PLA2G4D: variants seen among roughly 807,000 people sequenced by gnomAD.
PLA2G4D encodes the protein phospholipase A2 group IVD.
A neutral mutation model predicts 94.4 loss-of-function variants in PLA2G4D; 80 were observed. The observed-to-expected ratio is 0.85, with a 90% CI of 0.71 to 1.02. The LOEUF is 1.02. Among genes scored for constraint, PLA2G4D ranks in the 50% least tolerant of loss-of-function variants. The probability of loss-of-function intolerance (pLI) is 0.00; values close to 1 mark genes in which losing one functional copy is unlikely to be tolerated. For synonymous variants in PLA2G4D, 438 were observed against 440.9 expected (o/e 0.99, Z 0.08); for missense variants, 1,050 against 1,034.7 (o/e 1.01, Z -0.20).
rs1890301479 is a variant in PLA2G4D at position 42,094,444 on chromosome 15, G to A, written c.16C>T (p.Pro6Ser). The change falls in exon 1 of 20, where the codon CCT becomes TCT. Residue 6 changes from proline to serine, a missense_variant. By Grantham distance (74) the Pro-to-Ser change is moderately conservative. Transcript: ENST00000290472. Reference protein sequence around the residue: MESLSPGGPPGHPYQG... With the variant: MESLSSGGPPGHPYQG... ...TAAGGGTGGCCAGGTGGTCCCCCAGGTGACAGGCTCTCCATGCTAGCCCTT... is the reference window on the plus strand; with the variant it reads ...TAAGGGTGGCCAGGTGGTCCCCCAGATGACAGGCTCTCCATGCTAGCCCTT... 1.2e-6 allele frequency: 2 copies of A among 1,614,048 alleles called. No homozygotes were observed. Among genetic ancestry groups the A allele is most frequent in the Admixed American group, 1.7e-5 (1 of 60,006 alleles).
chr15:42,075,925 AGGGGAG>A (rs1889913700), intron 13 of PLA2G4D, among the ~76,000 whole-genome samples: 1 of 31,174 alleles, frequency 3.2e-5, no homozygotes. Flanking sequence ...AGGGGAGGGG[AGGGGAG>A]GGGAGAGGAA....
intron 13 of PLA2G4D, among the ~76,000 whole-genome samples, chr15:42,073,066 A>C (rs1293796533): frequency 6.6e-6 from 1 of 152,100 alleles, no homozygotes; most frequent in South Asian, 2.1e-4. Flanking sequence ...GCAGTGGTGC[A>C]ATCTTGGATC....
chr15:42,070,548 C>A, intron 18 of PLA2G4D, 169 bp downstream of exon 18: 1 of 855,754 alleles, frequency 1.2e-6, no homozygotes, highest in Middle Eastern at 3.5e-4. Context: ...CTGCACCACC[C>A]CAGCCTTCCC....
chr15:42,072,048 G>C, intron 14 of PLA2G4D, 137 bp from the exon 15 acceptor site: 2 of 1,236,740 alleles, frequency 1.6e-6, no homozygotes, highest in Non-Finnish European at 2.3e-6. Flanking sequence ...CAGATGTGAG[G>C]AATGGGCAGT....
rs202049567 is a variant in PLA2G4D at position 42,094,482 on chromosome 15, C to A, written c.-23G>T. The A allele has an allele frequency of 1.1e-5, 17 of 1,614,060 alleles. No individual in the cohort carries two copies. In the East Asian group the frequency reaches 3.8e-4, roughly 36 times the overall value. On this transcript the variant is annotated 5_prime_UTR_variant, in exon 1 of 20. Coordinates refer to ENST00000290472, the MANE Select transcript of PLA2G4D (RefSeq NM_178034.4). ...CATGCTAGCCCTTCCAGCTTCACTC[C>A]AGGCCCAGCCCTTGCCAAGATGCTG...
At chr15:42,077,314 A>G (rs1889950004) in intron 13 of PLA2G4D, among the ~76,000 whole-genome samples, 1 of 152,264 alleles carries the variant, frequency 6.6e-6, no homozygotes, top group African/African-American at 2.4e-5. Flanking sequence ...CCTGATGAAC[A>G]TAAATGCAAA....
At position 42,070,082 on chromosome 15, in the gene PLA2G4D, G is replaced by A. The variant is rs781591743; in HGVS notation, c.2057C>T (p.Thr686Met). 25 of 1,512,946 alleles carry A rather than the reference G, an allele frequency of 1.7e-5. No individual in the cohort carries two copies. The highest frequency in any genetic ancestry group is 1.1e-4 in the South Asian group (9 of 78,314). 93.7% of individuals were successfully genotyped at this position (1,512,946 alleles called of 1,614,324 possible). ...LSAPFEALQQ[T>M]ELYCRARGLP... is the part of the protein sequence containing the mutation. ...CCCCCGGGCCCGGCAGTACAGCTCC[G>A]TCTGCTGCAGTGCCTGGTGGGGAGA... Residue 686 changes from threonine to methionine, a missense_variant, in exon 19 of 20, where the codon ACG (threonine) becomes ATG (methionine). Coordinates refer to ENST00000290472, the MANE Select transcript of PLA2G4D (RefSeq NM_178034.4).
chr15:42,093,707 G>A (rs1890286613), intron 1 of PLA2G4D, among the ~76,000 whole-genome samples: 1 of 152,144 alleles, frequency 6.6e-6, no homozygotes, highest in African/African-American at 2.4e-5. Flanking sequence ...ATCCAGCTTG[G>A]GCCTGGGTCT....
At position 42,087,496 on chromosome 15, in the gene PLA2G4D, A is replaced by G. The variant is rs1444805806; in HGVS notation, c.119-60T>C. 5 of 1,610,288 alleles carry G rather than the reference A, an allele frequency of 3.1e-6. No homozygotes were observed. In the East Asian group the frequency reaches 1.1e-4, roughly 36 times the overall value. ...CTCCCCACACCCCTCTCCATGAGCC[A>G]TGCCAGTTTCCTACCAAGACCCTGG... On this transcript the variant is annotated intron_variant, in intron 2 of 19. Coordinates refer to ENST00000290472, the MANE Select transcript of PLA2G4D (RefSeq NM_178034.4).
intron 13 of PLA2G4D, among the ~76,000 whole-genome samples, chr15:42,079,041 A>G (rs1043873035): frequency 1.3e-5 from 2 of 152,234 alleles, no homozygotes; most frequent in African/African-American, 4.8e-5. Context: ...AGTATTCAGA[A>G]CAGCTCTATG....
In PLA2G4D at chr15:42,084,991, C is replaced by G; in HGVS notation, c.471+105G>C. 5.2e-6 allele frequency: 7 copies of G among 1,347,920 alleles called. No individual in the cohort carries two copies. Among genetic ancestry groups the G allele is most frequent in the Non-Finnish European group, 7.4e-6 (7 of 950,854 alleles). 83.5% of individuals were successfully genotyped at this position (1,347,920 alleles called of 1,614,324 possible). A position where few individuals can be genotyped will look rare whatever the true frequency, so the allele number is the denominator to read the frequency against. The stretch of plus-strand genomic sequence containing the variant: ...GGCTAGGGGTGGTTTTACCACGAAG[C>G]CCTGCCCCTTCCTTGTCCCTGCTGG... On this transcript the variant is annotated intron_variant, in intron 6 of 19. Coordinates refer to ENST00000290472, the MANE Select transcript of PLA2G4D (RefSeq NM_178034.4). The surrounding 1 kb of genome is among the most constrained non-coding windows in gnomAD (Gnocchi z 4.8).
At chr15:42,083,095 C>T in intron 8 of PLA2G4D, 103 bp downstream of exon 8, 1 of 1,475,982 alleles carries the variant, frequency 6.8e-7, no homozygotes, top group Non-Finnish European at 9.1e-7. Context: ...GACAAGGCCA[C>T]AGGGGCCTTG....
intron 19 of PLA2G4D, among the ~76,000 whole-genome samples, chr15:42,069,522 C>A (rs1244516688): frequency 2.0e-5 from 3 of 151,984 alleles, no homozygotes; most frequent in Non-Finnish European, 2.9e-5. Flanking sequence ...TTCGGGAGCC[C>A]CTGAGGAGAG....
Position 42,083,776 on chromosome 15 carries a change from G to A in PLA2G4D, c.475C>T (p.Arg159Ter), listed in dbSNP as rs777194530. The change falls in exon 7 of 20, where the codon CGA becomes TGA. Residue 159 changes from arginine (R) to a stop codon, truncating the protein, a stop_gained. Transcript: ENST00000290472. LOFTEE classifies it high-confidence loss of function. ...NLITNKVIVA[R>*]ELSCLDVHLD... ...TGCACATCCAGGCATGACAGCTCTC[G>A]GGCCTGGGGAAGACCACATCATGGG... 17 of 1,613,540 alleles carry A rather than the reference G, an allele frequency of 1.1e-5. No individual in the cohort carries two copies. The highest frequency in any genetic ancestry group is 3.3e-5 in the South Asian group (3 of 91,088).
rs139975594 is a variant in PLA2G4D, at chr15:42,071,270, A to T, written c.1729T>A (p.Ser577Thr). ...TSGTSSRLEASWLQPGTALAQ... is the reference protein window; with the variant it reads ...TSGTSSRLEATWLQPGTALAQ... ...AGCGCCGTGCCTGGCTGCAGCCACG[A>T]GGCCTCCAGCCGCGAGGAGGTCCCC... The change falls in exon 17 of 20, where the codon TCG (serine) becomes ACG (threonine). Residue 577 changes from serine to threonine, a missense_variant. Coordinates refer to ENST00000290472, the MANE Select transcript of PLA2G4D (RefSeq NM_178034.4). 8 of 1,603,408 alleles carry T rather than the reference A, an allele frequency of 5.0e-6. No individual in the cohort carries two copies. Among genetic ancestry groups the T allele is most frequent in the Non-Finnish European group, 6.8e-6 (8 of 1,177,048 alleles).
chr15:42,073,130 G>A (rs942250527), intron 13 of PLA2G4D, among the ~76,000 whole-genome samples: 4 of 152,164 alleles, frequency 2.6e-5, no homozygotes, highest in Non-Finnish European at 5.9e-5. Flanking sequence ...AGCCTCCCGA[G>A]TAGAGTAGCT....
intron 19 of PLA2G4D, among the ~76,000 whole-genome samples, chr15:42,069,697 C>A (rs1889761931): frequency 2.0e-5 from 3 of 152,172 alleles, no homozygotes; most frequent in Non-Finnish European, 4.4e-5. Context: ...GGGACCCCTG[C>A]ATAGCGACCC....
chr15:42,076,152 T>C (rs1276128687), intron 13 of PLA2G4D, among the ~76,000 whole-genome samples: 1 of 151,932 alleles, frequency 6.6e-6, no homozygotes, highest in Non-Finnish European at 1.5e-5. Flanking sequence ...GGAATATAAA[T>C]ACATGAAAAA....
At chr15:42,081,866 C>G (rs746090209) in intron 9 of PLA2G4D, 32 bp from the exon 10 acceptor site, 13 of 1,613,784 alleles carry the variant, frequency 8.1e-6, no homozygotes, top group Non-Finnish European at 1.0e-5. Flanking sequence ...CTGCTCAGAC[C>G]CTCCTAGACC....
Sources: gnomAD v4.1 joint callset for allele counts (sites outside exome capture counted in the v4.1 genomes callset) on GRCh38, gnomAD v4.1.1 for gene constraint, Gnocchi (gnomAD v3.1) non-coding constraint, MANE v1.5 for transcripts, NCBI Gene and HGNC (gene_info 2026-07-23, HGNC 2026-07-21) for gene names.